Variants in SHOC1 observed in about 807,000 individuals in gnomAD.
SHOC1 encodes shortage in chiasmata 1.
Under a neutral mutation model 179.2 loss-of-function variants are expected in SHOC1, and 136 were observed. The ratio of observed to expected loss-of-function variants is 0.76; its 90% CI spans 0.66 to 0.87. SHOC1 has a LOEUF of 0.87. SHOC1 is among the 40% of genes least tolerant of loss of function. SHOC1 has a pLI of 0.00. For synonymous variants in SHOC1, 489 were observed against 586.6 expected, an observed-to-expected ratio of 0.83 and a Z score of 2.41; for missense variants, 1,538 against 1,700.8, an observed-to-expected ratio of 0.90 and a Z score of 1.68.
At chr9:111,787,170 A>G (rs1266150846) in intron 2 of SHOC1, among the ~76,000 whole-genome samples, 2 of 152,208 alleles carry the variant, frequency 1.3e-5, no homozygotes, top group Admixed American at 6.5e-5. Flanking sequence ...GAGATGTACA[A>G]GGAGATTAAT....
intron 5 of SHOC1, among the ~76,000 whole-genome samples, chr9:111,767,129 C>G (rs895887426): frequency 2.0e-5 from 3 of 152,014 alleles, no homozygotes; most frequent in Admixed American, 1.3e-4. Context: ...TATTTTCTCC[C>G]ATTCTGTGGG....
intron 13 of SHOC1, among the ~76,000 whole-genome samples, chr9:111,724,486 T>G (rs1833211123): frequency 6.6e-6 from 1 of 151,928 alleles, no homozygotes; most frequent in Admixed American, 6.6e-5. Flanking sequence ...AGCACAGGCA[T>G]GCACCACCAT....
chr9:111,772,359 T>C (rs1287673246), intron 5 of SHOC1, among the ~76,000 whole-genome samples: 4 of 152,234 alleles, frequency 2.6e-5, no homozygotes, highest in African/African-American at 7.2e-5. Context: ...TCCTTGAAAC[T>C]GCTCTTTTGA....
intron 12 of SHOC1, among the ~76,000 whole-genome samples, chr9:111,733,035 A>G (rs1002084725): frequency 5.6e-5 from 3 of 53,232 alleles, no homozygotes; most frequent in African/African-American, 2.1e-4. Flanking sequence ...CATCATAAGC[A>G]TCTCTTTTTT....
intron 15 of SHOC1, among the ~76,000 whole-genome samples, chr9:111,718,919 C>T (rs2131400620): frequency 6.6e-6 from 1 of 152,228 alleles, no homozygotes; most frequent in Admixed American, 6.5e-5. Context: ...TTCTAGACCC[C>T]CTGCCCCAAT....
chr9:111,734,646 A>G (rs1431726834), intron 12 of SHOC1, among the ~76,000 whole-genome samples: 1 of 152,208 alleles, frequency 6.6e-6, no homozygotes, highest in Non-Finnish European at 1.5e-5. Context: ...AATTTGTGTT[A>G]CCACTGTGGT....
At chr9:111,691,438 G>T in intron 27 of SHOC1, 113 bp downstream of exon 27, 1 of 907,280 alleles carries the variant, frequency 1.1e-6, no homozygotes, top group Non-Finnish European at 1.6e-6. Context: ...ACAGTTATTA[G>T]AGAAGTTTTT....
At chr9:111,717,377 T>G (rs1328771637) in intron 16 of SHOC1, among the ~76,000 whole-genome samples, 2 of 152,158 alleles carry the variant, frequency 1.3e-5, no homozygotes, top group Non-Finnish European at 2.9e-5. Context: ...GTGGATCACC[T>G]GAGGTCAGGA....
chr9:111,706,465 G>T, intron 20 of SHOC1, 103 bp downstream of exon 20: 1 of 815,768 alleles, frequency 1.2e-6, no homozygotes, highest in South Asian at 2.4e-5. Flanking sequence ...TTGAACTCAA[G>T]GCTTCTAATG....
In SHOC1 at chr9:111,692,466, T is replaced by C. The variant is rs771231552; in HGVS notation, c.3511A>G (p.Ile1171Val). The C allele has an allele frequency of 4.4e-6, 7 of 1,603,652 alleles. No homozygotes were observed. The highest frequency in any genetic ancestry group is 8.5e-7 in the Non-Finnish European group (1 of 1,174,456). The change falls in exon 27 of 28, where the codon ATA becomes GTA. Residue 1171 changes from isoleucine to valine, a missense_variant. By Grantham distance (29) the Ile-to-Val change is conservative. Transcript: ENST00000682961. ...GACGAAATTTGCGGTGATTTTGTTA[T>C]GGAAGAAGAACCAATCTTGAATAGG... ...TSLFKIGSSS[I>V]TKSPQISSPQ...
At chr9:111,761,253 G>T (rs1201363958) in intron 5 of SHOC1, among the ~76,000 whole-genome samples, 3 of 152,198 alleles carry the variant, frequency 2.0e-5, no homozygotes, top group Admixed American at 6.5e-5. Context: ...TGTAATCCCA[G>T]CACTTTGGGA....
intron 23 of SHOC1, 138 bp from the exon 24 acceptor site, chr9:111,700,185 G>A (rs1831903577): frequency 4.3e-6 from 2 of 461,516 alleles, no homozygotes; most frequent in Non-Finnish European, 7.4e-6. Context: ...AAATTTGTGG[G>A]GTTTTTTTTT....
intron 3 of SHOC1, 139 bp from the exon 4 acceptor site, chr9:111,781,156 C>T: frequency 1.6e-6 from 1 of 635,668 alleles, no homozygotes; most frequent in South Asian, 2.1e-5. Flanking sequence ...ATACCTGATT[C>T]CAAATATTTG....
chr9:111,779,927 T>C (rs991289283), intron 4 of SHOC1, among the ~76,000 whole-genome samples: 2 of 152,244 alleles, frequency 1.3e-5, no homozygotes, highest in Non-Finnish European at 2.9e-5. Context: ...AGTCAAGGCT[T>C]AAAAGCTACA....
At chr9:111,719,528 C>T (rs1430105415) in intron 15 of SHOC1, among the ~76,000 whole-genome samples, 2 of 152,152 alleles carry the variant, frequency 1.3e-5, no homozygotes, top group East Asian at 1.9e-4. Flanking sequence ...CTGAGAATTA[C>T]AGGACTGAAA....
intron 4 of SHOC1, among the ~76,000 whole-genome samples, chr9:111,777,043 G>A (rs1168983281): frequency 6.6e-6 from 1 of 152,150 alleles, no homozygotes; most frequent in Non-Finnish European, 1.5e-5. Context: ...TGACTGTTCA[G>A]GTTGGAGATG....
At chr9:111,794,202 G>A (rs1836544749) in intron 1 of SHOC1, among the ~76,000 whole-genome samples, 1 of 151,288 alleles carries the variant, frequency 6.6e-6, no homozygotes, top group African/African-American at 2.4e-5. Flanking sequence ...CTTCGGGCTG[G>A]CTTCCCACCT....
chr9:111,730,859 A>G (rs1589418370), intron 12 of SHOC1, among the ~76,000 whole-genome samples: 1 of 152,198 alleles, frequency 6.6e-6, no homozygotes, highest in East Asian at 1.9e-4. Flanking sequence ...ACTTTCTTCA[A>G]ATAGAACGCT....
intron 9 of SHOC1, among the ~76,000 whole-genome samples, chr9:111,747,297 A>C (rs1294516315): frequency 6.6e-6 from 1 of 152,166 alleles, no homozygotes; most frequent in Non-Finnish European, 1.5e-5. Context: ...TAAGCAACAT[A>C]CTTTGGCATT....
Sources: gnomAD v4.1 joint callset for allele counts (sites outside exome capture counted in the v4.1 genomes callset) on GRCh38, gnomAD v4.1.1 for gene constraint, MANE v1.5 for transcripts, NCBI Gene and HGNC (gene_info 2026-07-23, HGNC 2026-07-21) for gene names.